KCNH1: variants seen among roughly 807,000 people sequenced by gnomAD.
KCNH1 encodes voltage-gated delayed rectifier potassium channel KCNH1.
A neutral mutation model predicts 69.2 loss-of-function variants in KCNH1; 27 were observed. The ratio of observed to expected loss-of-function variants is 0.39; its 90% CI spans 0.29 to 0.54. KCNH1 has a LOEUF of 0.54. Ranked by LOEUF, KCNH1 falls within the 20% of genes least tolerant of loss-of-function variation. The pLI is 0.68. For synonymous variants in KCNH1, 456 were observed against 487.7 expected (o/e 0.93, Z 0.86); for missense variants, 798 against 1,261.6 (o/e 0.63, Z 5.57).
At chr1:210,780,285 C>T (rs1683951235) in intron 9 of KCNH1, among the ~76,000 whole-genome samples, 1 of 152,188 alleles carries the variant, frequency 6.6e-6, no homozygotes, top group Admixed American at 6.5e-5. Flanking sequence ...AATGAAATTT[C>T]TGGCTGCTTC....
At chr1:210,803,085 G>T (rs2102405873) in intron 8 of KCNH1, among the ~76,000 whole-genome samples, 1 of 152,220 alleles carries the variant, frequency 6.6e-6, no homozygotes, top group South Asian at 2.1e-4. Flanking sequence ...TGGAGGCTAG[G>T]ATTGTTTTTA....
At chr1:210,891,712 G>T (rs1208652473) in intron 7 of KCNH1, among the ~76,000 whole-genome samples, 2 of 151,982 alleles carry the variant, frequency 1.3e-5, no homozygotes, top group Non-Finnish European at 2.9e-5. Context: ...TCCTATTACT[G>T]GGTATATACC....
At chr1:210,810,520 T>C (rs1270416897) in intron 7 of KCNH1, among the ~76,000 whole-genome samples, 1 of 152,134 alleles carries the variant, frequency 6.6e-6, no homozygotes, top group African/African-American at 2.4e-5. Context: ...GTGATGCAGA[T>C]GTTGGACTCC....
chr1:211,057,074 A>T (rs1244133494), intron 5 of KCNH1, among the ~76,000 whole-genome samples: 1 of 152,212 alleles, frequency 6.6e-6, no homozygotes, highest in Non-Finnish European at 1.5e-5. Flanking sequence ...GAGATATGTG[A>T]CCTTTCAAAG....
Position 210,919,617 on chromosome 1 carries a change from C to A in KCNH1, c.1462+23G>T, listed in dbSNP as rs1008013815. 2.8e-5 allele frequency: 45 copies of A among 1,592,900 alleles called. No homozygotes were observed. The highest frequency in any genetic ancestry group is 3.5e-5 in the Non-Finnish European group (41 of 1,166,072). ...AGCTAACAGAAGAGATGGCCAACCC[C>A]ACCCCAGCACTGTCATACTTACAGC... On this transcript the variant is annotated intron_variant, in intron 7 of 10. Coordinates refer to ENST00000271751, the MANE Select transcript of KCNH1 (RefSeq NM_172362.3). The surrounding 1 kb of genome is among the most constrained non-coding windows in gnomAD (Gnocchi z 4.2).
intron 7 of KCNH1, among the ~76,000 whole-genome samples, chr1:210,821,453 G>A (rs1038889355): frequency 6.6e-5 from 10 of 152,106 alleles, no homozygotes; most frequent in African/African-American, 2.4e-4. Flanking sequence ...ACAGGTCAGC[G>A]TATGGTGTCA....
At chr1:211,050,728 G>A (rs1039868906) in intron 5 of KCNH1, among the ~76,000 whole-genome samples, 1 of 152,086 alleles carries the variant, frequency 6.6e-6, no homozygotes, top group Non-Finnish European at 1.5e-5. Context: ...CAGAAATGTT[G>A]CTATCATAAT....
intron 10 of KCNH1, among the ~76,000 whole-genome samples, chr1:210,723,609 T>C (rs181485015): frequency 6.6e-6 from 1 of 152,216 alleles, no homozygotes; most frequent in Non-Finnish European, 1.5e-5. Flanking sequence ...AGGATGATCA[T>C]GCAAAGTGCT....
chr1:210,791,671 C>A (rs996935415), intron 9 of KCNH1, among the ~76,000 whole-genome samples: 1 of 152,178 alleles, frequency 6.6e-6, no homozygotes, highest in East Asian at 1.9e-4. Context: ...AAGGTACCCA[C>A]GTTACTTATT....
intron 9 of KCNH1, among the ~76,000 whole-genome samples, chr1:210,779,053 T>C (rs1400308229): frequency 6.6e-6 from 1 of 152,170 alleles, no homozygotes; most frequent in South Asian, 2.1e-4. Context: ...ATGAAATAAA[T>C]AAGTGCATCT....
At chr1:211,019,736 G>A (rs1452833557) in intron 5 of KCNH1, among the ~76,000 whole-genome samples, 1 of 152,164 alleles carries the variant, frequency 6.6e-6, no homozygotes, top group Non-Finnish European at 1.5e-5. Context: ...CATTCTCCAG[G>A]ATAGACTATA....
In KCNH1 at chr1:210,683,582, C is replaced by T. The variant is rs768347864; in HGVS notation, c.2669G>A (p.Arg890His). 9.3e-6 allele frequency: 15 copies of T among 1,614,036 alleles called. No homozygotes were observed. The highest frequency in any genetic ancestry group is 1.6e-4 in the Middle Eastern group (1 of 6,084). Residue 890 changes from arginine to histidine, a missense_variant, in exon 11 of 11, where the codon CGC becomes CAC. Around this residue, in one of 4 missense-constraint regions of KCNH1, gnomAD observed 331 missense variants for 363.2 expected, o/e 0.91. Coordinates refer to ENST00000271751, the MANE Select transcript of KCNH1 (RefSeq NM_172362.3). The surrounding 1 kb of genome is among the most constrained non-coding windows in gnomAD (Gnocchi z 5.7). ...CDSGITKSDL[R>H]LDNVGEARSP... ...CCTGGCCTCACCCACGTTGTCCAGG[C>T]GCAAGTCGCTCTTGGTGATGCCACT...
chr1:210,889,041 C>T (rs533631690), intron 7 of KCNH1, among the ~76,000 whole-genome samples: 9 of 152,306 alleles, frequency 5.9e-5, no homozygotes, highest in Non-Finnish European at 8.8e-5. Context: ...GGACTCCTCC[C>T]TAACTCATTT....
intron 7 of KCNH1, among the ~76,000 whole-genome samples, chr1:210,870,783 C>CTTGGTTCTTTATGAA (rs1230727725): frequency 6.6e-6 from 1 of 152,092 alleles, no homozygotes; most frequent in Non-Finnish European, 1.5e-5. Context: ...TACATTCTTC[C>CTTGGTTCTTTATGAA]CACTGCAGTT....
intron 6 of KCNH1, among the ~76,000 whole-genome samples, chr1:210,976,268 A>G (rs1688607989): frequency 6.6e-6 from 1 of 151,592 alleles, no homozygotes; most frequent in South Asian, 2.1e-4. Context: ...CCAAAGGATT[A>G]TAAATCATGC....
chr1:210,931,785 T>C (rs917111926), intron 6 of KCNH1, among the ~76,000 whole-genome samples: 1 of 149,624 alleles, frequency 6.7e-6, no homozygotes, highest in African/African-American at 2.5e-5. Context: ...AACAAAGAGA[T>C]AGATATCATA....
At chr1:210,917,349 AAGAGAG>A (rs1289477064) in intron 7 of KCNH1, among the ~76,000 whole-genome samples, 1 of 150,020 alleles carries the variant, frequency 6.7e-6, no homozygotes, top group Non-Finnish European at 1.5e-5. Flanking sequence ...GAGAGAGAGA[AAGAGAG>A]AGAGAGAGAG....
intron 1 of KCNH1, among the ~76,000 whole-genome samples, chr1:211,109,365 G>C (rs146103916): frequency 6.6e-6 from 1 of 152,156 alleles, no homozygotes; most frequent in Admixed American, 6.5e-5. Flanking sequence ...TGATTTTATC[G>C]TAGGGGCAGA....
At chr1:210,860,913 C>G (rs1446732521) in intron 7 of KCNH1, 3 of 941,902 alleles carry the variant, frequency 3.2e-6, no homozygotes, top group African/African-American at 1.6e-5. Flanking sequence ...GATTCTGCAA[C>G]ATGTATTCCA....
Sources: allele counts gnomAD v4.1 joint callset (sites outside exome capture counted in the v4.1 genomes callset), GRCh38; gene constraint gnomAD v4.1.1; regional missense constraint gnomAD v4.1.1; non-coding constraint Gnocchi (gnomAD v3.1); transcripts MANE v1.5; gene names NCBI Gene and HGNC (gene_info 2026-07-23, HGNC 2026-07-21).